The following HK1 variants were observed in gnomAD, a reference collection of about 807,000 sequenced individuals.
The protein encoded by HK1 is hexokinase 1, also known as hexokinase-1.
HK1 carries 28 observed loss-of-function variants against 91.6 expected under a neutral mutation model. That is an observed-to-expected ratio of 0.31 (90% CI 0.23 to 0.42). HK1 has a LOEUF of 0.42. Among genes scored for constraint, HK1 ranks in the 10% least tolerant of loss-of-function variants. The pLI, the probability that HK1 is intolerant of heterozygous loss-of-function variation, is 1.00. For synonymous variants in HK1, 430 were observed against 468.1 expected (o/e 0.92, Z 1.05); for missense variants, 770 against 1,219.8 (o/e 0.63, Z 5.49).
chr10:69,286,857 A>T (rs981907756), intron 2 of HK1, among the ~76,000 whole-genome samples: 6 of 152,156 alleles, frequency 3.9e-5, no homozygotes, highest in African/African-American at 1.2e-4. Context: ...GCCTGGCCTC[A>T]TGCTTTGCTT....
At chr10:69,284,829 T>G (rs1469100682) in intron 2 of HK1, among the ~76,000 whole-genome samples, 2 of 152,008 alleles carry the variant, frequency 1.3e-5, no homozygotes, top group South Asian at 4.2e-4. Flanking sequence ...CTTTTTTCTT[T>G]TTTTTAAGAC....
At chr10:69,392,076 C>A in intron 14 of HK1, 49 bp from the exon 15 acceptor site, 1 of 1,605,062 alleles carries the variant, frequency 6.2e-7, no homozygotes, top group Non-Finnish European at 8.5e-7. Flanking sequence ...AGTTGCAAGA[C>A]CCCCAAATGC....
At chr10:69,290,056 C>T (rs1564756141) in intron 3 of HK1, among the ~76,000 whole-genome samples, 1 of 152,064 alleles carries the variant, frequency 6.6e-6, no homozygotes, top group African/African-American at 2.4e-5. Context: ...GTAGGTGGGT[C>T]CCTCTGAAGC....
At chr10:69,389,718 C>T (rs1839811868) in intron 14 of HK1, among the ~76,000 whole-genome samples, 1 of 152,008 alleles carries the variant, frequency 6.6e-6, no homozygotes, top group East Asian at 1.9e-4. Context: ...AAGTAGAGAG[C>T]ACCTCCCATG....
intron 12 of HK1, among the ~76,000 whole-genome samples, 189 bp downstream of exon 12, chr10:69,385,104 C>T (rs1839570875): frequency 6.6e-6 from 1 of 152,212 alleles, no homozygotes; most frequent in African/African-American, 2.4e-5. Flanking sequence ...CTTCTTTTCT[C>T]TTTGAAAGCG....
At chr10:69,355,476 C>T (rs1849082729) in intron 2 of HK1, among the ~76,000 whole-genome samples, 1 of 152,096 alleles carries the variant, frequency 6.6e-6, no homozygotes. Context: ...ACTAATGGAA[C>T]AGAATAGAGA....
rs1419321815 is a variant in HK1 at position 69,343,937 on chromosome 10, A to C, written c.174A>C (p.Thr58=). ...KNGLSRDFNP[T]ATVKMLPTFV... is the part of the protein sequence containing the mutation. ...GCCTCTCCCGGGATTTTAATCCAAC[A>C]GCCACAGTCAAGATGTTGCCAACAT... Residue 58 remains threonine (T), a synonymous_variant, in exon 2 of 18, where the codon ACA becomes ACC. Coordinates refer to ENST00000359426, the MANE Select transcript of HK1 (RefSeq NM_000188.3). The C allele has an allele frequency of 6.2e-7, 1 of 1,614,122 alleles. No homozygotes were observed.
At chr10:69,356,480 T>C (rs1849132496) in intron 2 of HK1, among the ~76,000 whole-genome samples, 1 of 151,348 alleles carries the variant, frequency 6.6e-6, no homozygotes, top group East Asian at 1.9e-4. Context: ...AAGGATACCA[T>C]AAAAAAAAGA....
chr10:69,386,062 C>T (rs952480448), intron 12 of HK1, among the ~76,000 whole-genome samples: 7 of 152,178 alleles, frequency 4.6e-5, no homozygotes, highest in Admixed American at 6.5e-5. Context: ...CCGTCTTTGC[C>T]GTCTGCTGAG....
At chr10:69,389,464 TCTGG>T in intron 14 of HK1, 168 bp downstream of exon 14, 3 of 410,402 alleles carry the variant, frequency 7.3e-6, no homozygotes, top group Admixed American at 2.8e-5. Flanking sequence ...CAGCAGAGTC[TCTGG>T]CGGGGGGAGG....
At chr10:69,273,973 C>A (rs76162692) in intron 1 of HK1, among the ~76,000 whole-genome samples, 4,633 of 152,060 alleles carry the variant, frequency 0.03, 230 homozygotes, top group African/African-American at 0.1. Flanking sequence ...TGCTTACAGG[C>A]CACATTTTTC....
Position 69,283,808 on chromosome 10 carries a change from A to AAAAAAAAG in HK1, c.-215+1111_-215+1112insGAAAAAAA, listed in dbSNP as rs1554875981. On this transcript the variant is annotated intron_variant, in intron 2 of 21. Coordinates refer to the HK1 transcript ENST00000360289. ...AGTGAGACTCTGTCTCAAAAAAAAA[A>AAAAAAAAG]AAAAAAAAAGAAAAGAAAAAAAGAA... 1.1e-4 allele frequency among the ~76,000 whole-genome samples: 16 copies of AAAAAAAAG among 144,776 alleles called. 1 individual carries two copies. The highest frequency in any genetic ancestry group is 1.6e-4 in the African/African-American group (6 of 37,250). The allele number at this position is 144,776 out of a possible 152,430, so 95.0% of individuals were successfully genotyped here.
chr10:69,288,551 A>G, intron 2 of HK1: 1 of 678,776 alleles, frequency 1.5e-6, no homozygotes, highest in Non-Finnish European at 2.7e-6. Flanking sequence ...TACTCTAGAA[A>G]TGTGTCTGCA....
At position 69,319,081 on chromosome 10, in the gene HK1, G is replaced by T. The variant is rs1651728815; in HGVS notation, c.63+71G>T. Reference sequence around the variant, plus strand: ...GTTCCGGCATCCGCTCGCCGCCTCCGCTGCCTCCATCCTCCGGCGCCCGGC... The same window carrying T: ...GTTCCGGCATCCGCTCGCCGCCTCCTCTGCCTCCATCCTCCGGCGCCCGGC... On this transcript the variant is annotated intron_variant, in intron 1 of 17. Coordinates refer to ENST00000359426, the MANE Select transcript of HK1 (RefSeq NM_000188.3). The T allele has an allele frequency of 6.6e-6, 10 of 1,521,076 alleles. No homozygotes were observed. In the South Asian group the frequency reaches 7.1e-5, roughly 11 times the overall value. The allele number at this position is 1,521,076 out of a possible 1,614,324, so 94.2% of individuals were successfully genotyped here.
At position 69,398,716 on chromosome 10, in the gene HK1, C is replaced by G. The variant is rs139917475; in HGVS notation, c.2497C>G (p.Leu833Val). The G allele has an allele frequency of 7.4e-6, 12 of 1,614,200 alleles. No individual in the cohort carries two copies. Among genetic ancestry groups the G allele is most frequent in the Non-Finnish European group, 6.8e-6 (8 of 1,180,024 alleles). ...CGVVSRRAAQ[L>V]CGAGMAAVVD... ...GGTGGTGTCCAGGAGGGCCGCACAG[C>G]TGTGTGGCGCAGGCATGGCTGCGGT... The change falls in exon 17 of 18, where the codon CTG becomes GTG. Residue 833 changes from leucine to valine, a missense_variant. By Grantham distance (32) the Leu-to-Val change is conservative. This residue lies in a region of HK1 where 78 missense variants were observed against 99.0 expected (regional missense o/e 0.79). Coordinates refer to ENST00000359426, the MANE Select transcript of HK1 (RefSeq NM_000188.3).
intron 4 of HK1, 122 bp from the exon 5 acceptor site, chr10:69,368,414 T>G (rs1459947875): frequency 1.3e-6 from 1 of 797,710 alleles, no homozygotes; most frequent in Non-Finnish European, 2.2e-6. Flanking sequence ...CAGTGTGATC[T>G]GGGAGGAGCC....
chr10:69,293,913 G>A (rs926283254), intron 3 of HK1, among the ~76,000 whole-genome samples: 1 of 141,254 alleles, frequency 7.1e-6, no homozygotes, highest in Non-Finnish European at 1.5e-5. Context: ...TCAGGCTGGA[G>A]TGCAGTGGCG....
rs535789849 is a variant in HK1 at position 69,280,338 on chromosome 10, C to T, written c.-390-2191C>T. ...TTCACTGTGTTAGCCAGGATGGTCTCGACCTCCTGACTTTGTGATTTGCCC... is the reference window on the plus strand; with the variant it reads ...TTCACTGTGTTAGCCAGGATGGTCTTGACCTCCTGACTTTGTGATTTGCCC... On this transcript the variant is annotated intron_variant, in intron 1 of 21. Coordinates refer to the HK1 transcript ENST00000360289. Among the ~76,000 whole-genome samples, 7 of 152,200 alleles carry T rather than the reference C, an allele frequency of 4.6e-5. No homozygotes were observed. In the South Asian group the frequency reaches 1.5e-3, roughly 32 times the overall value.
intron 13 of HK1, among the ~76,000 whole-genome samples, chr10:69,388,420 C>T (rs1222590383): frequency 6.7e-6 from 1 of 148,264 alleles, no homozygotes; most frequent in Admixed American, 6.7e-5. Context: ...ACACTCCAGC[C>T]TGGGTGACAG....
Sources: gnomAD v4.1 joint callset for allele counts (sites outside exome capture counted in the v4.1 genomes callset) on GRCh38, gnomAD v4.1.1 for gene constraint, gnomAD v4.1.1 regional missense constraint, MANE v1.5 for transcripts, NCBI Gene and HGNC (gene_info 2026-07-23, HGNC 2026-07-21) for gene names.